The following AGBL1 variants were observed in gnomAD, a reference collection of about 807,000 sequenced individuals.
AGBL1 encodes the protein cytosolic carboxypeptidase 4.
AGBL1 carries 130 observed loss-of-function variants against 118.9 expected under a neutral mutation model. The ratio of observed to expected loss-of-function variants is 1.09; its 90% CI spans 0.95 to 1.26. The LOEUF (loss-of-function observed/expected upper bound fraction) is 1.26. Among genes scored for constraint, AGBL1 ranks in the 50% most tolerant of loss-of-function variants. The pLI is 0.00. For missense variants in AGBL1, 1,584 were observed against 1,298.1 expected (o/e 1.22, Z -3.38); for synonymous variants, 555 against 478.9 (o/e 1.16, Z -2.08).
At chr15:86,378,295 T>C (rs2081066795) in intron 17 of AGBL1, among the ~76,000 whole-genome samples, 1 of 152,228 alleles carries the variant, frequency 6.6e-6, no homozygotes, top group South Asian at 2.1e-4. Flanking sequence ...CCTATTAAAC[T>C]GTCACATAAA....
chr15:86,296,239 A>G (rs2079638501), intron 17 of AGBL1: 1 of 133,932 alleles, frequency 7.5e-6, no homozygotes, highest in Non-Finnish European at 1.5e-5. Context: ...ACAAAAAAAC[A>G]AAAAAAAAAC....
chr15:86,380,495 CCTT>C (rs1304290634), intron 17 of AGBL1, among the ~76,000 whole-genome samples: 8 of 151,016 alleles, frequency 5.3e-5, no homozygotes, highest in Non-Finnish European at 1.2e-4. Context: ...TTGTTCCCTT[CCTT>C]CTTTTCTTCT....
chr15:86,989,836 C>T (rs963153138), intron 24 of AGBL1, among the ~76,000 whole-genome samples: 2 of 152,136 alleles, frequency 1.3e-5, no homozygotes, highest in African/African-American at 4.8e-5. Context: ...GCTATATGGA[C>T]ACATGCAGGA....
At chr15:86,707,066 G>T (rs897689584) in intron 22 of AGBL1, among the ~76,000 whole-genome samples, 1 of 152,122 alleles carries the variant, frequency 6.6e-6, no homozygotes, top group African/African-American at 2.4e-5. Context: ...CTGTCCCTGA[G>T]CTGTAAGTCT....
At chr15:86,301,325 C>A (rs2079741365) in intron 17 of AGBL1, among the ~76,000 whole-genome samples, 1 of 151,672 alleles carries the variant, frequency 6.6e-6, no homozygotes, top group African/African-American at 2.4e-5. Context: ...GGGACATGAG[C>A]TGGACTATCT....
chr15:86,276,692 G>A (rs1012590800), intron 15 of AGBL1, among the ~76,000 whole-genome samples: 1 of 152,222 alleles, frequency 6.6e-6, no homozygotes, highest in Non-Finnish European at 1.5e-5. Flanking sequence ...ATCTTGAGGA[G>A]TGAAGAAGAC....
At chr15:86,698,995 T>G (rs1455579794) in intron 22 of AGBL1, among the ~76,000 whole-genome samples, 5 of 152,076 alleles carry the variant, frequency 3.3e-5, no homozygotes, top group African/African-American at 1.2e-4. Context: ...ATTAAAAGTC[T>G]CTATAACTTT....
intron 21 of AGBL1, among the ~76,000 whole-genome samples, chr15:86,572,217 A>AAC (rs1555427077): frequency 6.6e-6 from 1 of 152,046 alleles, no homozygotes; most frequent in African/African-American, 2.4e-5. Context: ...GGCCCCCAAG[A>AAC]ACAGAGATGC....
intron 16 of AGBL1, among the ~76,000 whole-genome samples, chr15:86,283,570 A>C (rs551421809): frequency 1.9e-4 from 29 of 152,260 alleles, no homozygotes; most frequent in Non-Finnish European, 3.7e-4. Flanking sequence ...CCACATGCAC[A>C]ATATTTTATA....
chr15:86,884,460 C>T (rs1356215823), intron 22 of AGBL1, among the ~76,000 whole-genome samples: 2 of 152,126 alleles, frequency 1.3e-5, no homozygotes, highest in Non-Finnish European at 2.9e-5. Flanking sequence ...TAACTGAAAC[C>T]CTGGAAAGTG....
At chr15:86,856,889 T>G (rs1412368896) in intron 22 of AGBL1, among the ~76,000 whole-genome samples, 2 of 152,206 alleles carry the variant, frequency 1.3e-5, no homozygotes, top group Non-Finnish European at 2.9e-5. Context: ...CTCCAAGTGG[T>G]GAAGCTAATG....
intron 23 of AGBL1, among the ~76,000 whole-genome samples, chr15:86,981,665 T>A (rs1195580885): frequency 6.6e-6 from 1 of 152,198 alleles, no homozygotes; most frequent in Non-Finnish European, 1.5e-5. Context: ...TGCACCTTTT[T>A]TTGAGTTTGA....
rs1360213607 is a variant in AGBL1 at position 86,215,217 on chromosome 15, A to ATGTGTGTGTGTGTGTGTG, written c.489-9694_489-9693insGTGTGTGTGTGTGTGTGT. 7.8e-5 allele frequency among the ~76,000 whole-genome samples: 10 copies of ATGTGTGTGTGTGTGTGTG among 128,278 alleles called. No individual in the cohort carries two copies. The East Asian group carries it at 8.9e-4, about 11-fold the overall frequency. 84.2% of individuals were successfully genotyped at this position (128,278 alleles called of 152,430 possible). A position where few individuals can be genotyped will look rare whatever the true frequency, so the allele number is the denominator to read the frequency against. On this transcript the variant is annotated intron_variant, in intron 5 of 22. Transcript: ENST00000614907. ...GCTCTGTGTGTGTGTGTGAGTGTATATGTATGCGTGTGTGTGTGTGTGTGT... is the reference window on the plus strand; with the variant it reads ...GCTCTGTGTGTGTGTGTGAGTGTATATGTGTGTGTGTGTGTGTGTGTATGCGTGTGTGTGTGTGTGTGT...
rs150276990 is a variant in AGBL1 at position 86,237,835 on chromosome 15, A to G, written c.527-9836A>G. On this transcript the variant is annotated intron_variant, in intron 6 of 22. Transcript: ENST00000614907. ...CACAACCTGTTGGGATGAGTCTCAAAATGGTGGGGGGTCACACATCCTGAT... is the reference window on the plus strand; with the variant it reads ...CACAACCTGTTGGGATGAGTCTCAAGATGGTGGGGGGTCACACATCCTGAT... Among the ~76,000 whole-genome samples, 4 of 152,252 alleles carry G rather than the reference A, an allele frequency of 2.6e-5. No homozygotes were observed. The East Asian group carries it at 7.7e-4, about 29-fold the overall frequency.
At chr15:86,674,578 A>C (rs962644017) in intron 22 of AGBL1, 142 bp downstream of exon 22, 3 of 836,236 alleles carry the variant, frequency 3.6e-6, no homozygotes, top group Non-Finnish European at 5.3e-6. Flanking sequence ...TAGGTACACT[A>C]TCTCGTTTCC....
intron 23 of AGBL1, among the ~76,000 whole-genome samples, chr15:86,973,810 T>A (rs573106751): frequency 6.6e-6 from 1 of 150,692 alleles, no homozygotes; most frequent in Admixed American, 6.7e-5. Flanking sequence ...ATTTCTTCAT[T>A]GAAAAGCAGA....
intron 22 of AGBL1, among the ~76,000 whole-genome samples, chr15:86,850,137 C>G (rs2079385456): frequency 6.6e-6 from 1 of 152,168 alleles, no homozygotes; most frequent in Non-Finnish European, 1.5e-5. Flanking sequence ...TCAGCTGTTT[C>G]CCATGTGTAA....
intron 22 of AGBL1, among the ~76,000 whole-genome samples, chr15:86,752,880 G>C (rs2077876337): frequency 6.6e-6 from 1 of 151,990 alleles, no homozygotes; most frequent in Admixed American, 6.6e-5. Flanking sequence ...GATTAGATGA[G>C]GGACATTAAT....
intron 18 of AGBL1, among the ~76,000 whole-genome samples, chr15:86,438,657 C>CT (rs35937855): frequency 0.01 from 1,356 of 131,602 alleles, 28 homozygotes; most frequent in African/African-American, 0.033. Flanking sequence ...TAATCTGTCT[C>CT]TTTTTTTTTT....
Sources: allele counts gnomAD v4.1 joint callset (sites outside exome capture counted in the v4.1 genomes callset), GRCh38; gene constraint gnomAD v4.1.1; transcripts MANE v1.5; gene names NCBI Gene and HGNC (gene_info 2026-07-23, HGNC 2026-07-21).